The following HEXA variants were observed in gnomAD, a reference collection of about 807,000 sequenced individuals.
HEXA encodes hexosaminidase subunit alpha.
Under a neutral mutation model 73.3 loss-of-function variants are expected in HEXA, and 54 were observed. That is an observed-to-expected ratio of 0.74 (90% CI 0.59 to 0.92). The LOEUF (loss-of-function observed/expected upper bound fraction) is 0.92, where lower values mean the gene tolerates loss of function less well. Among genes scored for constraint, HEXA ranks in the 40% least tolerant of loss-of-function variants. HEXA has a pLI of 0.00. For synonymous variants in HEXA, 230 were observed against 246.9 expected, an observed-to-expected ratio of 0.93 and a Z score of 0.64; for missense variants, 649 against 653.0, an observed-to-expected ratio of 0.99 and a Z score of 0.07.
intron 3 of HEXA, chr15:72,354,893 T>C (rs1054955453): frequency 6.5e-6 from 1 of 153,892 alleles, no homozygotes; most frequent in African/African-American, 2.4e-5. Context: ...TAAACTCATT[T>C]TCTCCAGAAA....
intron 1 of HEXA, among the ~76,000 whole-genome samples, chr15:72,365,280 T>A (rs1291374260): frequency 6.6e-6 from 1 of 152,140 alleles, no homozygotes; most frequent in Non-Finnish European, 1.5e-5. Context: ...TTATTATTTT[T>A]AGTAGAGACG....
chr15:72,374,583 C>T (rs988970373), intron 1 of HEXA, among the ~76,000 whole-genome samples: 2 of 152,118 alleles, frequency 1.3e-5, no homozygotes, highest in African/African-American at 4.8e-5. Context: ...ATGTGGCTCC[C>T]ACCCCCATAA....
At chr15:72,355,045 T>C (rs1740364740) in intron 3 of HEXA, 1 of 187,442 alleles carries the variant, frequency 5.3e-6, no homozygotes, top group South Asian at 1.1e-4. Context: ...TGTGGTAGCA[T>C]CATTCCCCCT....
intron 7 of HEXA, among the ~76,000 whole-genome samples, chr15:72,349,888 C>T (rs12902886): frequency 0.12 from 18,766 of 151,962 alleles, 1,661 homozygotes; most frequent in African/African-American, 0.25. Context: ...CTCAGCCTCC[C>T]GAGTAGCTGG....
chr15:72,366,076 G>A (rs2140336347), intron 1 of HEXA, among the ~76,000 whole-genome samples: 1 of 152,028 alleles, frequency 6.6e-6, no homozygotes, highest in Non-Finnish European at 1.5e-5. Context: ...CTCCCTAACT[G>A]AAGCCTGGCT....
intron 3 of HEXA, chr15:72,354,965 T>A (rs1033974946): frequency 6.4e-6 from 1 of 156,820 alleles, no homozygotes; most frequent in Non-Finnish European, 1.4e-5. Flanking sequence ...CTATTTCTTT[T>A]GTTATAGTTT....
In HEXA at chr15:72,350,545, G is replaced by A; in HGVS notation, c.778C>T (p.Pro260Ser). ...GIRVLAEFDT[P>S]GHTLSWGPGI... is the part of the protein sequence containing the mutation. Reference sequence around the variant, plus strand: ...GGTCCCCAGGACAAAGTGTGGCCAGGAGTGTCAAACTCTGCAAGCACACGG... The same window carrying A: ...GGTCCCCAGGACAAAGTGTGGCCAGAAGTGTCAAACTCTGCAAGCACACGG... The change falls in exon 7 of 14, where the codon CCT (proline) becomes TCT (serine). Residue 260 changes from proline (P) to serine (S), a missense_variant. By Grantham distance (74) the Pro-to-Ser change is moderately conservative. Coordinates refer to ENST00000268097, the MANE Select transcript of HEXA (RefSeq NM_000520.6). 6.2e-7 allele frequency: 1 copy of A among 1,614,134 alleles called. No individual in the cohort carries two copies. The highest frequency in any genetic ancestry group is 8.5e-7 in the Non-Finnish European group (1 of 1,180,036).
Position 72,347,335 on chromosome 15 carries a change from C to T in HEXA, c.1146+351G>A, listed in dbSNP as rs60920713. On this transcript the variant is annotated intron_variant, in intron 10 of 13. Coordinates refer to ENST00000268097, the MANE Select transcript of HEXA (RefSeq NM_000520.6). ...TTGCCCAGGGTTGAGTGCAGAGGCA[C>T]ATCTTGGCTCACAGCAACCTCTGCC... 0.014 allele frequency among the ~76,000 whole-genome samples: 2,154 copies of T among 150,912 alleles called. 54 individuals are homozygous for T. The highest frequency in any genetic ancestry group is 0.05 in the African/African-American group (2,050 of 41,244).
chr15:72,351,435 C>T, intron 5 of HEXA: 2 of 635,534 alleles, frequency 3.1e-6, no homozygotes, highest in Non-Finnish European at 5.7e-6. Context: ...CAGCACACTT[C>T]TACTTTTCCC....
chr15:72,355,826 C>T (rs2088770255), intron 2 of HEXA: 1 of 617,646 alleles, frequency 1.6e-6, no homozygotes, highest in South Asian at 1.6e-5. Flanking sequence ...GGAGGGTGGT[C>T]ACCACAGTGA....
In HEXA at chr15:72,375,934, C is replaced by A; in HGVS notation, c.39G>T (p.Ala13=). Residue 13 remains alanine (A), a synonymous_variant, in exon 1 of 14, where the codon GCG becomes GCT. Coordinates refer to ENST00000268097, the MANE Select transcript of HEXA (RefSeq NM_000520.6). The stretch of plus-strand genomic sequence containing the variant: ...CCGTCGCCCGTCCTGCGAACGCTGC[C>A]GCCAGCAGCAGCGAAAACCAAAGCC... ...SSRLWFSLLL[A]AAFAGRATAL... 1 of 1,614,124 alleles carries A rather than the reference C, an allele frequency of 6.2e-7. No homozygotes were observed. The highest frequency in any genetic ancestry group is 1.1e-5 in the South Asian group (1 of 91,084).
At position 72,341,325 on chromosome 15, in the gene HEXA, T is replaced by C. The variant is rs1416362348; in HGVS notation, c.*2752A>G. On this transcript the variant is annotated 3_prime_UTR_variant, in exon 14 of 14. Transcript: ENST00000268097. ...ATATCCTACCCCTACGGCAATCCTT[T>C]GAGAAGCACCTGAAAACACCAGTGA... The C allele has an allele frequency of 1.3e-5, 2 of 152,144 alleles. No homozygotes were observed. The highest frequency in any genetic ancestry group is 4.8e-5 in the African/African-American group (2 of 41,412). The allele number at this position is 152,144 out of a possible 1,614,324, so 9.4% of individuals were successfully genotyped here.
In HEXA at chr15:72,353,110, T is replaced by G. The variant is rs1458388844; in HGVS notation, c.528A>C (p.Thr176=). 1.2e-6 allele frequency: 2 copies of G among 1,613,638 alleles called. No homozygotes were observed. The highest frequency in any genetic ancestry group is 2.2e-5 in the East Asian group (1 of 44,888). Reference sequence around the variant, plus strand: ...TAGAGAGTGGCAGGTAATGGCGAGATGTATCCAACAGCAAGCCCCGGTGAG... The same window carrying G: ...TAGAGAGTGGCAGGTAATGGCGAGAGGTATCCAACAGCAAGCCCCGGTGAG... The part of the protein sequence containing the change: ...RFPHRGLLLD[T]SRHYLPLSSI... Residue 176 remains threonine, a synonymous_variant, in exon 5 of 14, where the codon ACA becomes ACC. Coordinates refer to ENST00000268097, the MANE Select transcript of HEXA (RefSeq NM_000520.6).
intron 3 of HEXA, chr15:72,355,153 G>T (rs1459867304): frequency 3.3e-6 from 1 of 300,472 alleles, no homozygotes; most frequent in African/African-American, 2.2e-5. Context: ...AGCAGTTGCT[G>T]ATGCTGCACA....
intron 5 of HEXA, chr15:72,351,890 T>A (rs1048162308): frequency 7.3e-6 from 1 of 136,544 alleles, no homozygotes; most frequent in African/African-American, 2.7e-5. Context: ...CAATCTCAGC[T>A]CACTGCAACC....
At chr15:72,346,170 G>T in intron 12 of HEXA, 65 bp downstream of exon 12, 1 of 1,159,814 alleles carries the variant, frequency 8.6e-7, no homozygotes, top group Non-Finnish European at 1.3e-6. Flanking sequence ...AGATGGGATT[G>T]GGTCTCTAAG....
chr15:72,345,870 C>T (rs2088605949), intron 12 of HEXA: 1 of 523,022 alleles, frequency 1.9e-6, no homozygotes, highest in Non-Finnish European at 3.5e-6. Context: ...AAACTTTGCA[C>T]ACCCAACCAT....
chr15:72,353,664 G>A (rs1567299601), intron 4 of HEXA, 27 bp downstream of exon 4: 1 of 1,584,328 alleles, frequency 6.3e-7, no homozygotes, highest in East Asian at 2.2e-5. Context: ...GATGAAAAAG[G>A]AGCCCTTTTT....
chr15:72,348,385 CAT>C (rs1313441788), intron 8 of HEXA, among the ~76,000 whole-genome samples: 1 of 152,200 alleles, frequency 6.6e-6, no homozygotes, highest in Non-Finnish European at 1.5e-5. Flanking sequence ...AAAGAGAAAA[CAT>C]ATTAATCCTC....
Sources: allele counts gnomAD v4.1 joint callset (sites outside exome capture counted in the v4.1 genomes callset), GRCh38; gene constraint gnomAD v4.1.1; transcripts MANE v1.5; gene names NCBI Gene and HGNC (gene_info 2026-07-23, HGNC 2026-07-21).